MRPS6: variants seen among roughly 807,000 people sequenced by gnomAD.
MRPS6 encodes small ribosomal subunit protein bS6m.
MRPS6 carries 6 observed loss-of-function variants against 13.1 expected under a neutral mutation model. That is an observed-to-expected ratio of 0.46 (90% CI 0.25 to 0.91). The LOEUF is 0.91. Among genes scored for constraint, MRPS6 ranks in the 40% least tolerant of loss-of-function variants. The pLI, the probability that MRPS6 is intolerant of heterozygous loss-of-function variation, is 0.18. For missense variants in MRPS6, 164 were observed against 155.6 expected, an observed-to-expected ratio of 1.05 and a Z score of -0.29; for synonymous variants, 61 against 56.5, an observed-to-expected ratio of 1.08 and a Z score of -0.36.
chr21:34,079,316 A>G (rs890183948), intron 1 of MRPS6, among the ~76,000 whole-genome samples: 3 of 152,160 alleles, frequency 2.0e-5, no homozygotes, highest in Non-Finnish European at 4.4e-5. Flanking sequence ...CTAGTCCTTT[A>G]CAGAAGAAAT....
chr21:34,097,415 A>AT, intron 1 of MRPS6: 2 of 1,358,250 alleles, frequency 1.5e-6, no homozygotes, highest in Non-Finnish European at 1.9e-6. Context: ...TGGGGAAAAA[A>AT]GTTATGTAAC....
At chr21:34,098,395 A>C in intron 1 of MRPS6, 1 of 1,000,284 alleles carries the variant, frequency 1.0e-6, no homozygotes, top group Non-Finnish European at 1.2e-6. Flanking sequence ...ATGATATATC[A>C]AGGTTGAATT....
chr21:34,105,085 C>T, intron 1 of MRPS6: 3 of 1,000,016 alleles, frequency 3.0e-6, no homozygotes, highest in South Asian at 9.4e-5. Context: ...AATGCAAAAG[C>T]TTTATTTTTT....
At chr21:34,129,168 C>A (rs557665651) in intron 2 of MRPS6, among the ~76,000 whole-genome samples, 2 of 152,070 alleles carry the variant, frequency 1.3e-5, no homozygotes, top group Non-Finnish European at 2.9e-5. Context: ...CATTTAGACC[C>A]GTGCTATAAA....
chr21:34,137,765 A>G (rs928936849), intron 2 of MRPS6, among the ~76,000 whole-genome samples: 1 of 151,266 alleles, frequency 6.6e-6, no homozygotes, highest in African/African-American at 2.4e-5. Context: ...GGTCACTTCT[A>G]TCCCTAGTTT....
At chr21:34,104,958 T>C (rs1478964565) in intron 1 of MRPS6, 1 of 999,396 alleles carries the variant, frequency 1.0e-6, no homozygotes, top group Non-Finnish European at 1.2e-6. Flanking sequence ...TGAAAAGTAG[T>C]CCTAGCAGTG....
At chr21:34,081,596 G>GT (rs1162641930) in intron 1 of MRPS6, among the ~76,000 whole-genome samples, 2 of 152,178 alleles carry the variant, frequency 1.3e-5, no homozygotes, top group Non-Finnish European at 2.9e-5. Context: ...ATGGGACTGG[G>GT]TTTTGGATTG....
chr21:34,134,558 T>A (rs1048543943), intron 2 of MRPS6, among the ~76,000 whole-genome samples: 3 of 152,150 alleles, frequency 2.0e-5, no homozygotes, highest in African/African-American at 7.2e-5. Flanking sequence ...TTTAATAAGG[T>A]TTGACATATG....
At chr21:34,097,072 A>G in intron 1 of MRPS6, 1 of 1,614,150 alleles carries the variant, frequency 6.2e-7, no homozygotes, top group Non-Finnish European at 8.5e-7. Context: ...TCAGAGGCAG[A>G]AACACCAGTT....
intron 2 of MRPS6, among the ~76,000 whole-genome samples, chr21:34,134,067 A>AC (rs1239545169): frequency 2.0e-5 from 3 of 152,226 alleles, no homozygotes; most frequent in Non-Finnish European, 4.4e-5. Context: ...TGAGGGTTGC[A>AC]AGGAGGTGGT....
intron 1 of MRPS6, among the ~76,000 whole-genome samples, chr21:34,079,965 G>GTCAGCC: frequency 6.6e-6 from 1 of 152,136 alleles, no homozygotes; most frequent in East Asian, 1.9e-4. Flanking sequence ...GTCATCTGGG[G>GTCAGCC]CTGAACAAAT....
chr21:34,135,556 C>A, intron 2 of MRPS6: 1 of 475,652 alleles, frequency 2.1e-6, no homozygotes, highest in East Asian at 5.7e-5. Context: ...CATGATCTCC[C>A]GGAGGGCACC....
At chr21:34,121,555 G>A (rs936218497) in intron 1 of MRPS6, among the ~76,000 whole-genome samples, 8 of 151,848 alleles carry the variant, frequency 5.3e-5, no homozygotes, top group African/African-American at 1.9e-4. Flanking sequence ...GCCAAAGTGT[G>A]TTTCATTGAT....
intron 1 of MRPS6, among the ~76,000 whole-genome samples, chr21:34,089,095 C>T (rs547809443): frequency 7.2e-5 from 11 of 151,752 alleles, no homozygotes; most frequent in Admixed American, 3.9e-4. Context: ...GGTGTGATCT[C>T]GGCTCACTGC....
chr21:34,128,509 T>C (rs1238078872), intron 2 of MRPS6, among the ~76,000 whole-genome samples: 1 of 152,220 alleles, frequency 6.6e-6, no homozygotes, highest in Non-Finnish European at 1.5e-5. Flanking sequence ...TGATACCTGA[T>C]GTTTATTATT....
At chr21:34,113,761 ACC>A (rs1979799020) in intron 1 of MRPS6, among the ~76,000 whole-genome samples, 1 of 152,144 alleles carries the variant, frequency 6.6e-6, no homozygotes, top group South Asian at 2.1e-4. Context: ...ACTTCTCTTA[ACC>A]CAGTCCACCA....
chr21:34,105,378 A>G, intron 1 of MRPS6: 1 of 999,708 alleles, frequency 1.0e-6, no homozygotes, highest in Non-Finnish European at 1.2e-6. Context: ...CTTCAAGAAG[A>G]AAACCAATTC....
chr21:34,136,442 C>T (rs1470253995), intron 2 of MRPS6, among the ~76,000 whole-genome samples: 1 of 152,222 alleles, frequency 6.6e-6, no homozygotes, highest in East Asian at 1.9e-4. Flanking sequence ...GCCACCACAT[C>T]CATGGAATGC....
At chr21:34,139,877 C>A (rs888868807) in intron 2 of MRPS6, among the ~76,000 whole-genome samples, 2 of 152,130 alleles carry the variant, frequency 1.3e-5, no homozygotes, top group Non-Finnish European at 2.9e-5. Flanking sequence ...AGCGCCTGAC[C>A]TTGCAAAAAT....
Sources: gnomAD v4.1 joint callset for allele counts (sites outside exome capture counted in the v4.1 genomes callset) on GRCh38, gnomAD v4.1.1 for gene constraint, MANE v1.5 for transcripts, NCBI Gene and HGNC (gene_info 2026-07-23, HGNC 2026-07-21) for gene names.